Variants in PREX2 observed in about 807,000 individuals in gnomAD.
PREX2 encodes the protein phosphatidylinositol 3,4,5-trisphosphate-dependent Rac exchanger 2 protein.
A neutral mutation model predicts 203.2 loss-of-function variants in PREX2; 107 were observed. The ratio of observed to expected loss-of-function variants is 0.53; its 90% CI spans 0.45 to 0.62. The LOEUF (loss-of-function observed/expected upper bound fraction) is 0.62. Ranked by LOEUF, PREX2 falls within the 20% of genes least tolerant of loss-of-function variation. The pLI is 0.00. For synonymous variants in PREX2, 672 were observed against 663.6 expected, an observed-to-expected ratio of 1.01 and a Z score of -0.19; for missense variants, 1,777 against 1,955.9, an observed-to-expected ratio of 0.91 and a Z score of 1.72.
chr8:68,072,767 C>A (rs1809236638), intron 14 of PREX2, among the ~76,000 whole-genome samples, 197 bp downstream of exon 14: 1 of 152,112 alleles, frequency 6.6e-6, no homozygotes, highest in African/African-American at 2.4e-5. Flanking sequence ...TTTGTGTTAT[C>A]CTGTTTCTCA....
chr8:68,041,757 T>C (rs1042717845), intron 7 of PREX2, among the ~76,000 whole-genome samples: 2 of 152,074 alleles, frequency 1.3e-5, no homozygotes, highest in African/African-American at 2.4e-5. Context: ...TTTAGTGCAA[T>C]TATTAAAGGT....
chr8:67,970,932 CAA>C (rs1805908051), intron 1 of PREX2, among the ~76,000 whole-genome samples: 2 of 152,128 alleles, frequency 1.3e-5, no homozygotes, highest in Admixed American at 6.6e-5. Flanking sequence ...GTTCTAGTAA[CAA>C]AGAGTAAATG....
At chr8:68,053,449 A>G (rs1389772545) in intron 9 of PREX2, among the ~76,000 whole-genome samples, 1 of 152,214 alleles carries the variant, frequency 6.6e-6, no homozygotes, top group African/African-American at 2.4e-5. Context: ...GCCTCATACT[A>G]AAAGACTTAT....
intron 32 of PREX2, among the ~76,000 whole-genome samples, chr8:68,134,919 C>A (rs931670871): frequency 1.3e-5 from 2 of 152,014 alleles, no homozygotes; most frequent in African/African-American, 4.8e-5. Flanking sequence ...TTCACGTATA[C>A]CTCCTGTGGT....
chr8:68,054,757 G>A (rs769511191), intron 9 of PREX2, among the ~76,000 whole-genome samples: 43 of 152,244 alleles, frequency 2.8e-4, no homozygotes, highest in Non-Finnish European at 5.9e-4. Flanking sequence ...CCCTGAGCAT[G>A]CTCGTGTTTT....
At chr8:68,143,225 AT>A (rs1811260613) in intron 33 of PREX2, among the ~76,000 whole-genome samples, 2 of 151,916 alleles carry the variant, frequency 1.3e-5, no homozygotes, top group Non-Finnish European at 2.9e-5. Flanking sequence ...AGGTGATTGG[AT>A]CATGGGGGTG....
At chr8:68,132,173 G>T (rs1811022395) in intron 31 of PREX2, among the ~76,000 whole-genome samples, 2 of 151,962 alleles carry the variant, frequency 1.3e-5, no homozygotes, top group African/African-American at 4.8e-5. Flanking sequence ...TTTATTTTTA[G>T]TGCCACTGAC....
chr8:68,131,305 A>G (rs1811004904), intron 31 of PREX2, among the ~76,000 whole-genome samples: 1 of 152,206 alleles, frequency 6.6e-6, no homozygotes, highest in African/African-American at 2.4e-5. Flanking sequence ...TAAAAAGTTA[A>G]CTTGAAAAGC....
chr8:68,139,310 TA>T (rs1364112777), intron 33 of PREX2, among the ~76,000 whole-genome samples: 6 of 151,588 alleles, frequency 4.0e-5, no homozygotes. Context: ...GTTGAGGGAG[TA>T]ATGGCGATAT....
At chr8:68,008,498 C>G (rs1807166650) in intron 1 of PREX2, among the ~76,000 whole-genome samples, 1 of 152,074 alleles carries the variant, frequency 6.6e-6, no homozygotes, top group Non-Finnish European at 1.5e-5. Flanking sequence ...TATTTTAAGT[C>G]ATGTGTGTTT....
intron 1 of PREX2, among the ~76,000 whole-genome samples, chr8:67,988,100 C>T (rs1334371574): frequency 6.6e-6 from 1 of 152,206 alleles, no homozygotes; most frequent in Non-Finnish European, 1.5e-5. Context: ...CCTCTACCTT[C>T]TAGTCATAGA....
At chr8:68,141,054 G>C (rs1044152094) in intron 33 of PREX2, among the ~76,000 whole-genome samples, 5 of 152,112 alleles carry the variant, frequency 3.3e-5, no homozygotes, top group Non-Finnish European at 7.4e-5. Flanking sequence ...ATTAAACAAG[G>C]CTTTTTTGGC....
chr8:67,980,680 G>T (rs908163294), intron 1 of PREX2, among the ~76,000 whole-genome samples: 2 of 152,258 alleles, frequency 1.3e-5, no homozygotes, highest in Middle Eastern at 6.8e-3. Flanking sequence ...TGAATCATGG[G>T]GGTGGTTCCC....
intron 10 of PREX2, among the ~76,000 whole-genome samples, chr8:68,059,035 C>T (rs1255414329): frequency 2.0e-5 from 3 of 152,064 alleles, no homozygotes; most frequent in Non-Finnish European, 2.9e-5. Context: ...GTCTAGACAA[C>T]CCATTTTTAG....
intron 11 of PREX2, 90 bp downstream of exon 11, chr8:68,060,869 AC>A: frequency 2.5e-6 from 2 of 812,576 alleles, no homozygotes; most frequent in Middle Eastern, 2.4e-4. Flanking sequence ...ACAATTCCCC[AC>A]ATTATAGGAT....
At chr8:68,131,722 C>G (rs1811014905) in intron 31 of PREX2, among the ~76,000 whole-genome samples, 1 of 152,078 alleles carries the variant, frequency 6.6e-6, no homozygotes, top group South Asian at 2.1e-4. Flanking sequence ...AACTTTTTCA[C>G]AAAAGAAACT....
chr8:68,005,776 A>G (rs1807077535), intron 1 of PREX2, among the ~76,000 whole-genome samples: 1 of 152,102 alleles, frequency 6.6e-6, no homozygotes, highest in Admixed American at 6.5e-5. Context: ...TGGTTTATTC[A>G]TCTTTGGCAC....
rs555900918 is a variant in PREX2, at chr8:68,180,382, A to AT, written c.4347-11335dup. 1.1e-4 allele frequency among the ~76,000 whole-genome samples: 17 copies of AT among 152,154 alleles called. No individual in the cohort carries two copies. In the South Asian group the frequency reaches 3.5e-3, roughly 32 times the overall value. ...GTTCTTTACAGATGAATATTGTCTT[A>AT]TTTTTACCTTTTTATCCCTAGCACT... On this transcript the variant is annotated intron_variant, in intron 35 of 39. Coordinates refer to ENST00000288368, the MANE Select transcript of PREX2 (RefSeq NM_024870.4).
At chr8:68,209,069 T>TC in intron 37 of PREX2, among the ~76,000 whole-genome samples, 1 of 137,148 alleles carries the variant, frequency 7.3e-6, no homozygotes, top group African/African-American at 2.9e-5. Context: ...CTGGACTCAT[T>TC]TAAAAAAAAA....
Sources: allele counts gnomAD v4.1 joint callset (sites outside exome capture counted in the v4.1 genomes callset), GRCh38; gene constraint gnomAD v4.1.1; transcripts MANE v1.5; gene names NCBI Gene and HGNC (gene_info 2026-07-23, HGNC 2026-07-21).